The following EYS variants were observed in gnomAD, a reference collection of about 807,000 sequenced individuals.
The protein encoded by EYS is EGF-like photoreceptor maintenance factor, also known as protein eyes shut homolog.
Under a neutral mutation model 282.1 loss-of-function variants are expected in EYS, and 250 were observed. That is an observed-to-expected ratio of 0.89 (90% CI 0.80 to 0.98). The LOEUF (loss-of-function observed/expected upper bound fraction) is 0.98, where lower values mean the gene tolerates loss of function less well. EYS is among the 50% of genes least tolerant of loss of function. The pLI is 0.00. For synonymous variants in EYS, 1,355 were observed against 1,282.9 expected, an observed-to-expected ratio of 1.06 and a Z score of -1.20; for missense variants, 4,016 against 3,709.0, an observed-to-expected ratio of 1.08 and a Z score of -2.15.
intron 2 of EYS, among the ~76,000 whole-genome samples, chr6:65,577,814 C>T (rs1764728890): frequency 6.7e-6 from 1 of 149,414 alleles, no homozygotes; most frequent in South Asian, 2.1e-4. Flanking sequence ...ATACAAATGG[C>T]TAGTTGGTAT....
chr6:64,870,829 A>T (rs931066509), intron 19 of EYS, among the ~76,000 whole-genome samples: 2 of 151,892 alleles, frequency 1.3e-5, no homozygotes, highest in Non-Finnish European at 1.5e-5. Flanking sequence ...ATATTTGAGC[A>T]GACCGAAGGA....
intron 28 of EYS, among the ~76,000 whole-genome samples, chr6:64,392,072 C>A (rs1309244151): frequency 6.6e-6 from 1 of 151,832 alleles, no homozygotes; most frequent in African/African-American, 2.4e-5. Flanking sequence ...ACAAGAAGAG[C>A]TAACTATCCT....
At chr6:65,219,005 A>T (rs758133586) in intron 12 of EYS, among the ~76,000 whole-genome samples, 29 of 152,260 alleles carry the variant, frequency 1.9e-4, no homozygotes, top group Non-Finnish European at 2.8e-4. Flanking sequence ...AGAGGTGGAG[A>T]AAAATGAAGA....
At chr6:64,587,660 A>C (rs1766274793) in intron 26 of EYS, among the ~76,000 whole-genome samples, 1 of 152,072 alleles carries the variant, frequency 6.6e-6, no homozygotes, top group Admixed American at 6.6e-5. Flanking sequence ...TTAGTTGTTT[A>C]ACCTGGTGCT....
intron 29 of EYS, among the ~76,000 whole-genome samples, chr6:64,339,422 C>A (rs552577507): frequency 1.3e-4 from 20 of 151,896 alleles, no homozygotes; most frequent in Admixed American, 1.1e-3. Flanking sequence ...TAAAACCACA[C>A]TGTGTTATCA....
intron 14 of EYS, among the ~76,000 whole-genome samples, chr6:64,949,425 G>A (rs191572146): frequency 4.0e-5 from 6 of 151,794 alleles, no homozygotes; most frequent in African/African-American, 4.8e-5. Context: ...TACTCTCAGC[G>A]TTTAGAAGGT....
At chr6:65,538,866 A>G (rs1413032284) in intron 2 of EYS, among the ~76,000 whole-genome samples, 2 of 152,156 alleles carry the variant, frequency 1.3e-5, no homozygotes, top group African/African-American at 4.8e-5. Context: ...CATTCCAGCC[A>G]TACTAGTGTT....
chr6:65,339,881 T>C (rs950082523), intron 10 of EYS, among the ~76,000 whole-genome samples: 1 of 151,186 alleles, frequency 6.6e-6, no homozygotes, highest in Non-Finnish European at 1.5e-5. Flanking sequence ...AGAAGATTTA[T>C]ATACATTTCA....
intron 26 of EYS, among the ~76,000 whole-genome samples, chr6:64,578,714 C>T (rs1032997450): frequency 1.3e-5 from 2 of 151,698 alleles, no homozygotes; most frequent in African/African-American, 2.4e-5. Context: ...GTCTTGTTTT[C>T]TTGTTTAGCA....
intron 22 of EYS, among the ~76,000 whole-genome samples, chr6:64,783,512 T>G (rs1187467190): frequency 1.3e-5 from 2 of 152,080 alleles, no homozygotes; most frequent in African/African-American, 4.8e-5. Flanking sequence ...TTTTAAGAAA[T>G]TCAGGTAAAA....
chr6:64,819,238 T>A (rs1347123143), intron 21 of EYS, among the ~76,000 whole-genome samples: 1 of 152,128 alleles, frequency 6.6e-6, no homozygotes, highest in African/African-American at 2.4e-5. Context: ...AGGAAATATA[T>A]CTAATGATTA....
At chr6:64,858,803 C>A (rs1425820769) in intron 19 of EYS, among the ~76,000 whole-genome samples, 1 of 152,016 alleles carries the variant, frequency 6.6e-6, no homozygotes, top group Admixed American at 6.6e-5. Context: ...CAAAAGAAAA[C>A]TTTCAAAAGA....
At position 63,720,691 on chromosome 6, in the gene EYS, C is replaced by A; in HGVS notation, c.9340G>T (p.Asp3114Tyr). 1 of 1,548,170 alleles carries A rather than the reference C, an allele frequency of 6.5e-7. No individual in the cohort carries two copies. The highest frequency in any genetic ancestry group is 1.4e-5 in the African/African-American group (1 of 72,950). The change falls in exon 43 of 43, where the codon GAT (aspartate) becomes TAT (tyrosine). Residue 3114 changes from aspartate to tyrosine, a missense_variant. Coordinates refer to ENST00000503581, the MANE Select transcript of EYS (RefSeq NM_001142800.2). ...TTTGGTTCCTGAAAAAATACAACAT[C>A]TTTAATTTTGCCAACAAAATTGGTT... ...FKTNFVGKIK[D>Y]VVFFQEPKNI... is the part of the protein sequence containing the mutation.
intron 6 of EYS, among the ~76,000 whole-genome samples, chr6:65,403,636 A>C (rs1766602486): frequency 6.6e-6 from 1 of 152,024 alleles, no homozygotes. Context: ...CAATTTTCCA[A>C]GTAATTTATC....
At chr6:63,801,331 A>C (rs1770777944) in intron 37 of EYS, among the ~76,000 whole-genome samples, 1 of 152,220 alleles carries the variant, frequency 6.6e-6, no homozygotes, top group African/African-American at 2.4e-5. Context: ...GTTTCATAGA[A>C]CATGGGGGAT....
chr6:65,536,767 A>T (rs914757076), intron 2 of EYS, among the ~76,000 whole-genome samples: 1 of 152,104 alleles, frequency 6.6e-6, no homozygotes, highest in African/African-American at 2.4e-5. Flanking sequence ...AGCATGCACA[A>T]CCCTTTGGGG....
intron 31 of EYS, among the ~76,000 whole-genome samples, chr6:64,178,892 C>A (rs1764709466): frequency 6.6e-6 from 1 of 151,972 alleles, no homozygotes; most frequent in African/African-American, 2.4e-5. Flanking sequence ...AGCAAGTCCA[C>A]AATTGCCTCT....
At chr6:63,780,165 G>C (rs1035853639) in intron 39 of EYS, among the ~76,000 whole-genome samples, 4 of 152,144 alleles carry the variant, frequency 2.6e-5, no homozygotes, top group Admixed American at 1.3e-4. Context: ...CATTTGGGTT[G>C]GTTCCAAGTC....
chr6:65,013,005 G>A (rs1342697209), intron 13 of EYS, among the ~76,000 whole-genome samples: 1 of 151,918 alleles, frequency 6.6e-6, no homozygotes, highest in Non-Finnish European at 1.5e-5. Context: ...ATACATTTCT[G>A]GATACTATTT....
Sources: gnomAD v4.1 joint callset for allele counts (sites outside exome capture counted in the v4.1 genomes callset) on GRCh38, gnomAD v4.1.1 for gene constraint, MANE v1.5 for transcripts, NCBI Gene and HGNC (gene_info 2026-07-23, HGNC 2026-07-21) for gene names.